KCNC1: variants seen among roughly 807,000 people sequenced by gnomAD.
KCNC1 encodes potassium voltage-gated channel subfamily C member 1.
KCNC1 carries 8 observed loss-of-function variants against 43.4 expected under a neutral mutation model. The observed-to-expected ratio is 0.18, with a 90% CI of 0.11 to 0.33. KCNC1 has a LOEUF of 0.33. KCNC1 is among the 10% of genes least tolerant of loss of function. The pLI is 1.00. For synonymous variants in KCNC1, 361 were observed against 360.5 expected (o/e 1.00, Z -0.01); for missense variants, 420 against 836.0 (o/e 0.50, Z 6.14).
At position 17,736,174 on chromosome 11, in the gene KCNC1, G is replaced by T; in HGVS notation, c.172G>T (p.Asp58Tyr). 1 of 1,613,600 alleles carries T rather than the reference G, an allele frequency of 6.2e-7. No individual in the cohort carries two copies. The highest frequency in any genetic ancestry group is 8.5e-7 in the Non-Finnish European group (1 of 1,179,782). ...YDPRADEFFF[D>Y]RHPGVFAHIL... The stretch of plus-strand genomic sequence containing the variant: ...CCCGCGTGCTGACGAGTTCTTCTTC[G>T]ACCGCCACCCCGGCGTCTTCGCGCA... Residue 58 changes from aspartate (D) to tyrosine (Y), a missense_variant, in exon 1 of 4, where the codon GAC becomes TAC. By Grantham distance (160) the Asp-to-Tyr change is radical. Around this residue, in one of 5 missense-constraint regions of KCNC1, gnomAD observed 22 missense variants for 104.8 expected, o/e 0.21. Transcript: ENST00000265969. This position sits in a 1 kb window ranked among gnomAD's most constrained non-coding sequence, Gnocchi z 9.3.
chr11:17,777,254 C>A lies in KCNC1; in HGVS notation c.1505-2202C>A. 1 of 985,784 alleles carries A rather than the reference C, an allele frequency of 1.0e-6. No individual in the cohort carries two copies. Among genetic ancestry groups the A allele is most frequent in the Non-Finnish European group, 1.2e-6 (1 of 829,974 alleles). 61.1% of individuals were successfully genotyped at this position (985,784 alleles called of 1,614,324 possible). Reference sequence around the variant, plus strand: ...GAGGCAGAGGCAGAGAGAAGGCACCCCCCTCTGACCCACCCCTCCCCAGGC... The same window carrying A: ...GAGGCAGAGGCAGAGAGAAGGCACCACCCTCTGACCCACCCCTCCCCAGGC... On this transcript the variant is annotated intron_variant, in intron 2 of 3. Transcript: ENST00000265969. This position sits in a 1 kb window ranked among gnomAD's most constrained non-coding sequence, Gnocchi z 4.3.
intron 1 of KCNC1, among the ~76,000 whole-genome samples, chr11:17,762,809 C>T (rs959317202): frequency 6.6e-6 from 1 of 152,178 alleles, no homozygotes; most frequent in Admixed American, 6.5e-5. Context: ...CACCGTGCTG[C>T]GCCTTCGTCT....
chr11:17,749,383 A>C lies in KCNC1; in HGVS notation c.570+12811A>C, dbSNP rs77046368. Among the ~76,000 whole-genome samples, 1,100 of 152,318 alleles carry C rather than the reference A, an allele frequency of 7.2e-3. 11 individuals are homozygous for C. The highest frequency in any genetic ancestry group is 0.025 in the African/African-American group (1,035 of 41,572). On this transcript the variant is annotated intron_variant, in intron 1 of 3. Transcript: ENST00000265969. ...CACCTGAGAGGAGAATATGAATCTA[A>C]TACCTGACAAGCGGGCTACCATACC...
chr11:17,745,678 C>T (rs1263847419), intron 1 of KCNC1, among the ~76,000 whole-genome samples: 1 of 152,282 alleles, frequency 6.6e-6, no homozygotes, highest in South Asian at 2.1e-4. Context: ...CCCTCCCTCC[C>T]CCAGCCTCCA....
Position 17,735,584 on chromosome 11 carries a change from C to G in KCNC1, c.-419C>G. On this transcript the variant is annotated 5_prime_UTR_variant, in exon 1 of 4. Coordinates refer to ENST00000265969, the MANE Select transcript of KCNC1 (RefSeq NM_001112741.2). The surrounding 1 kb of genome is among the most constrained non-coding windows in gnomAD (Gnocchi z 6.7). ...TTGTGCCGATTTCTCCATTTTCCCG[C>G]GGAGATGGGGACGGGAGCCCGGCCC... The G allele has an allele frequency of 5.7e-6, 1 of 174,070 alleles. No homozygotes were observed. Among genetic ancestry groups the G allele is most frequent in the Non-Finnish European group, 1.2e-5 (1 of 83,236 alleles). 10.8% of individuals were successfully genotyped at this position (174,070 alleles called of 1,614,324 possible).
In KCNC1 at chr11:17,781,007, G is replaced by A. The variant is rs945199552; in HGVS notation, c.1694-663G>A. On this transcript the variant is annotated intron_variant, in intron 3 of 3. Transcript: ENST00000265969. The surrounding 1 kb of genome is among the most constrained non-coding windows in gnomAD (Gnocchi z 5.1). ...GGCTTTTTCCCAGTTGGAGGTGCTA[G>A]AATGCCCAGAAGCAGAATGCCCGAG... is the stretch of plus-strand genomic sequence containing the variant. The A allele has an allele frequency of 6.6e-6, 1 of 152,288 alleles. No individual in the cohort carries two copies. Among genetic ancestry groups the A allele is most frequent in the African/African-American group, 2.4e-5 (1 of 41,470 alleles). The allele number at this position is 152,288 out of a possible 1,614,324, so 9.4% of individuals were successfully genotyped here.
At position 17,777,146 on chromosome 11, in the gene KCNC1, C is replaced by T; in HGVS notation, c.1505-2310C>T. On this transcript the variant is annotated intron_variant, in intron 2 of 3. Transcript: ENST00000265969. This position sits in a 1 kb window ranked among gnomAD's most constrained non-coding sequence, Gnocchi z 4.3. ...TTGTGAGAGCTGGGAGCCCCCAGGG[C>T]CTGGGGGCTTGTGGACAGAACCAGT... 1 of 984,826 alleles carries T rather than the reference C, an allele frequency of 1.0e-6. No homozygotes were observed. The highest frequency in any genetic ancestry group is 1.2e-6 in the Non-Finnish European group (1 of 829,752). The allele number at this position is 984,826 out of a possible 1,614,324, so 61.0% of individuals were successfully genotyped here.
rs1410730533 is a variant in KCNC1 at position 17,781,875 on chromosome 11, G to T, written c.*141G>T. 1 of 516,540 alleles carries T rather than the reference G, an allele frequency of 1.9e-6. No homozygotes were observed. Among genetic ancestry groups the T allele is most frequent in the Non-Finnish European group, 3.5e-6 (1 of 289,306 alleles). The allele number at this position is 516,540 out of a possible 1,614,324, so 32.0% of individuals were successfully genotyped here. ...AGTGGCCCAGGCATTGTACTAGGAC[G>T]GACGTAGCTTTTTCTACGGCCAAAT... On this transcript the variant is annotated 3_prime_UTR_variant, in exon 4 of 4. Coordinates refer to ENST00000265969, the MANE Select transcript of KCNC1 (RefSeq NM_001112741.2). This position sits in a 1 kb window ranked among gnomAD's most constrained non-coding sequence, Gnocchi z 5.1.
chr11:17,775,810 G>A, intron 2 of KCNC1: 3 of 985,780 alleles, frequency 3.0e-6, no homozygotes, highest in Non-Finnish European at 3.6e-6. Context: ...TCCTGCCCAT[G>A]GCACCTAGAA....
intron 1 of KCNC1, among the ~76,000 whole-genome samples, chr11:17,754,577 T>A (rs1487267861): frequency 6.6e-6 from 1 of 152,178 alleles, no homozygotes; most frequent in Non-Finnish European, 1.5e-5. Context: ...CAAGTGGACA[T>A]AGGACCCATG....
rs61882392 is a variant in KCNC1 at position 17,754,524 on chromosome 11, G to A, written c.571-17141G>A. Among the ~76,000 whole-genome samples the A allele has an allele frequency of 2.8e-3, 419 of 152,312 alleles. 1 individual carries two copies. Among genetic ancestry groups the A allele is most frequent in the Non-Finnish European group, 4.5e-3 (307 of 68,032 alleles). On this transcript the variant is annotated intron_variant, in intron 1 of 3. Transcript: ENST00000265969. Reference sequence around the variant, plus strand: ...GGCTCACTTCTGAAGGAGGCTGCAGGGAGTAAACCATTGTGCCCATTATGC... The same window carrying A: ...GGCTCACTTCTGAAGGAGGCTGCAGAGAGTAAACCATTGTGCCCATTATGC...
intron 1 of KCNC1, among the ~76,000 whole-genome samples, chr11:17,749,514 C>G (rs1848941123): frequency 6.6e-6 from 1 of 152,206 alleles, no homozygotes. Context: ...TGGGCCTCAT[C>G]ACCAGAGCAG....
intron 1 of KCNC1, among the ~76,000 whole-genome samples, chr11:17,762,588 A>G (rs1849091067): frequency 2.0e-5 from 3 of 151,842 alleles, no homozygotes; most frequent in African/African-American, 7.3e-5. Context: ...TCCAGCCACT[A>G]CCTCCTCTGA....
chr11:17,760,819 T>C (rs938709825), intron 1 of KCNC1, among the ~76,000 whole-genome samples: 1 of 152,196 alleles, frequency 6.6e-6, no homozygotes, highest in Non-Finnish European at 1.5e-5. Flanking sequence ...GAATGGCAGC[T>C]CCTCATCTAG....
At position 17,772,009 on chromosome 11, in the gene KCNC1, C is replaced by T. The variant is rs757117157; in HGVS notation, c.915C>T (p.Asp305=). Residue 305 remains aspartate, a synonymous_variant, in exon 2 of 4, where the codon GAC becomes GAT. Transcript: ENST00000265969. ...LSGLSSKAAK[D]VLGFLRVVRF... Reference sequence around the variant, plus strand: ...GCCTGTCCTCCAAGGCAGCCAAGGACGTGCTGGGCTTCCTGCGCGTCGTCC... The same window carrying T: ...GCCTGTCCTCCAAGGCAGCCAAGGATGTGCTGGGCTTCCTGCGCGTCGTCC... 1.5e-5 allele frequency: 25 copies of T among 1,613,846 alleles called. No individual in the cohort carries two copies. In the Admixed American group the frequency reaches 2.5e-4, roughly 16 times the overall value.
chr11:17,769,675 C>T (rs575033219), intron 1 of KCNC1, among the ~76,000 whole-genome samples: 1 of 151,498 alleles, frequency 6.6e-6, no homozygotes, highest in South Asian at 2.1e-4. Context: ...GACCCCATCT[C>T]TGCAAAATAA....
In KCNC1 at chr11:17,777,434, C is replaced by T; in HGVS notation, c.1505-2022C>T. 1 of 985,934 alleles carries T rather than the reference C, an allele frequency of 1.0e-6. No individual in the cohort carries two copies. The highest frequency in any genetic ancestry group is 1.2e-6 in the Non-Finnish European group (1 of 829,986). 61.1% of individuals were successfully genotyped at this position (985,934 alleles called of 1,614,324 possible). A position where few individuals can be genotyped will look rare whatever the true frequency, so the allele number is the denominator to read the frequency against. On this transcript the variant is annotated intron_variant, in intron 2 of 3. Coordinates refer to ENST00000265969, the MANE Select transcript of KCNC1 (RefSeq NM_001112741.2). This position sits in a 1 kb window ranked among gnomAD's most constrained non-coding sequence, Gnocchi z 4.3. ...TGCAGGGTGCTATGGGCCTCAACCC[C>T]CACATCGTCATCCGCGTCCTCTCCA... is the stretch of plus-strand genomic sequence containing the variant.
chr11:17,776,906 G>A lies in KCNC1; in HGVS notation c.1505-2550G>A, dbSNP rs1590108776. On this transcript the variant is annotated intron_variant, in intron 2 of 3. Coordinates refer to ENST00000265969, the MANE Select transcript of KCNC1 (RefSeq NM_001112741.2). This position sits in a 1 kb window ranked among gnomAD's most constrained non-coding sequence, Gnocchi z 4.4. ...AACCATAGATAGACGAACAGCCCAGGGGCCTGGGCCCCTTCACAGAGCAAG... is the reference window on the plus strand; with the variant it reads ...AACCATAGATAGACGAACAGCCCAGAGGCCTGGGCCCCTTCACAGAGCAAG... The A allele has an allele frequency of 1.0e-6, 1 of 985,474 alleles. No homozygotes were observed. The highest frequency in any genetic ancestry group is 1.2e-6 in the Non-Finnish European group (1 of 829,998). 61.0% of individuals were successfully genotyped at this position (985,474 alleles called of 1,614,324 possible). A position where few individuals can be genotyped will look rare whatever the true frequency, so the allele number is the denominator to read the frequency against.
chr11:17,776,400 G>A lies in KCNC1; in HGVS notation c.1505-3056G>A, dbSNP rs1053813486. The stretch of plus-strand genomic sequence containing the variant: ...AACCCCCAACCCACCCCAGCCCCGC[G>A]TGCGCCCCTCCGGTGCCCGCAGCTG... On this transcript the variant is annotated intron_variant, in intron 2 of 3. Transcript: ENST00000265969. The surrounding 1 kb of genome is among the most constrained non-coding windows in gnomAD (Gnocchi z 4.4). 20 of 985,256 alleles carry A rather than the reference G, an allele frequency of 2.0e-5. No homozygotes were observed. The highest frequency in any genetic ancestry group is 1.2e-4 in the African/African-American group (7 of 57,218). 61.0% of individuals were successfully genotyped at this position (985,256 alleles called of 1,614,324 possible). A position where few individuals can be genotyped will look rare whatever the true frequency, so the allele number is the denominator to read the frequency against.
Sources: allele counts gnomAD v4.1 joint callset (sites outside exome capture counted in the v4.1 genomes callset), GRCh38; gene constraint gnomAD v4.1.1; regional missense constraint gnomAD v4.1.1; non-coding constraint Gnocchi (gnomAD v3.1); transcripts MANE v1.5; gene names NCBI Gene and HGNC (gene_info 2026-07-23, HGNC 2026-07-21).